Variants in CLTC observed in about 807,000 individuals in gnomAD.
CLTC encodes clathrin heavy chain.
Under a neutral mutation model 195.8 loss-of-function variants are expected in CLTC, and 16 were observed. That is an observed-to-expected ratio of 0.08 (90% CI 0.06 to 0.12). CLTC has a LOEUF of 0.12. Among genes scored for constraint, CLTC ranks in the 10% least tolerant of loss-of-function variants. The pLI, the probability that CLTC is intolerant of heterozygous loss-of-function variation, is 1.00. For missense variants in CLTC, 796 were observed against 2,027.0 expected (o/e 0.39, Z 11.66); for synonymous variants, 667 against 689.4 (o/e 0.97, Z 0.51).
rs528084895 is a variant in CLTC at position 59,678,251 on chromosome 17, C to G, written c.2796+1063C>G. Among the ~76,000 whole-genome samples, 4 of 152,280 alleles carry G rather than the reference C, an allele frequency of 2.6e-5. No individual in the cohort carries two copies. The South Asian group carries it at 8.3e-4, about 32-fold the overall frequency. On this transcript the variant is annotated intron_variant, in intron 17 of 31. Coordinates refer to ENST00000269122, the MANE Select transcript of CLTC (RefSeq NM_004859.4). ...ATTTGTCCCCTTTGTCAGTTTTTAT[C>G]AAGTTGTAACATGTCTTTATTACAT...
intron 1 of CLTC, among the ~76,000 whole-genome samples, chr17:59,635,936 G>A (rs1254866423): frequency 1.3e-5 from 2 of 152,130 alleles, no homozygotes; most frequent in Admixed American, 6.6e-5. Context: ...TCGGCCAGGC[G>A]TGGTGGCTCA....
At chr17:59,623,265 A>C (rs1468367672) in intron 1 of CLTC, among the ~76,000 whole-genome samples, 1 of 152,198 alleles carries the variant, frequency 6.6e-6, no homozygotes, top group Non-Finnish European at 1.5e-5. Flanking sequence ...CGGATTGTGA[A>C]TAGAAAGCAA....
At chr17:59,620,291 T>G in intron 1 of CLTC, 118 bp downstream of exon 1, 10 of 904,208 alleles carry the variant, frequency 1.1e-5, no homozygotes, top group South Asian at 1.3e-5. Context: ...TGTCGGTGAT[T>G]GGGGTAGGTG....
chr17:59,656,905 C>G (rs2032484851), intron 6 of CLTC, among the ~76,000 whole-genome samples: 1 of 151,984 alleles, frequency 6.6e-6, no homozygotes, highest in Non-Finnish European at 1.5e-5. Flanking sequence ...AACTCCTGAC[C>G]TTGTGATCCA....
chr17:59,694,979 T>C lies in CLTC; in HGVS notation c.*1127T>C, dbSNP rs2033388362. The C allele has an allele frequency of 4.6e-6, 1 of 216,562 alleles. No homozygotes were observed. The highest frequency in any genetic ancestry group is 2.3e-5 in the African/African-American group (1 of 44,436). The allele number at this position is 216,562 out of a possible 1,614,324, so 13.4% of individuals were successfully genotyped here. A position where few individuals can be genotyped will look rare whatever the true frequency, so the allele number is the denominator to read the frequency against. On this transcript the variant is annotated 3_prime_UTR_variant, in exon 32 of 32. Transcript: ENST00000269122. ...TAGTCTAAAGAACCAGAGTCACTAC[T>C]ATAGTGGCTTAACATTTAATCTGTC...
chr17:59,666,833 G>C lies in CLTC; in HGVS notation c.1984G>C (p.Asp662His). The C allele has an allele frequency of 6.2e-7, 1 of 1,613,550 alleles. No homozygotes were observed. The highest frequency in any genetic ancestry group is 1.1e-5 in the South Asian group (1 of 91,002). Residue 662 changes from aspartate to histidine, a missense_variant, in exon 13 of 32, where the codon GAC (aspartate) becomes CAC (histidine). Physicochemically the swap from Asp to His is moderately conservative, Grantham distance 81. Around this residue, in one of 9 missense-constraint regions of CLTC, gnomAD observed 293 missense variants for 795.6 expected, o/e 0.37. Transcript: ENST00000269122. This position sits in a 1 kb window ranked among gnomAD's most constrained non-coding sequence, Gnocchi z 4.9. Reference protein sequence around the residue: ...VNYFGSLSVEDSLECLRAMLS... With the variant: ...VNYFGSLSVEHSLECLRAMLS... ...CTACTTTGGTTCCTTATCAGTAGAAGACTCCCTAGAATGTCTCAGAGCCAT... is the reference window on the plus strand; with the variant it reads ...CTACTTTGGTTCCTTATCAGTAGAACACTCCCTAGAATGTCTCAGAGCCAT...
intron 1 of CLTC, among the ~76,000 whole-genome samples, chr17:59,628,599 C>T (rs941692795): frequency 2.0e-5 from 3 of 152,180 alleles, no homozygotes; most frequent in East Asian, 3.9e-4. Flanking sequence ...GTGATGCACA[C>T]TGGGGGTCTC....
intron 3 of CLTC, 81 bp downstream of exon 3, chr17:59,647,747 GTCTT>G: frequency 8.0e-7 from 1 of 1,248,404 alleles, no homozygotes; most frequent in Non-Finnish European, 1.1e-6. Context: ...TTGAAATTAG[GTCTT>G]TCTATACTCA....
chr17:59,650,483 C>CTTTTTTTTT (rs35425747), intron 4 of CLTC, among the ~76,000 whole-genome samples: 1 of 116,850 alleles, frequency 8.6e-6, no homozygotes, highest in Admixed American at 9.3e-5. Context: ...ATTCAGATGA[C>CTTTTTTTTT]TTTTTTTTTT....
chr17:59,657,461 C>G (rs571236427), intron 6 of CLTC, among the ~76,000 whole-genome samples: 1 of 152,038 alleles, frequency 6.6e-6, no homozygotes, highest in Non-Finnish European at 1.5e-5. Flanking sequence ...TTATGAGTGT[C>G]TTGCTTAGAA....
chr17:59,631,665 T>G (rs2031720511), intron 1 of CLTC, among the ~76,000 whole-genome samples: 1 of 152,108 alleles, frequency 6.6e-6, no homozygotes, highest in Admixed American at 6.5e-5. Flanking sequence ...AGTAACAAGA[T>G]TTTTTAAAAA....
At chr17:59,672,321 A>G (rs2032865675) in intron 14 of CLTC, among the ~76,000 whole-genome samples, 1 of 152,190 alleles carries the variant, frequency 6.6e-6, no homozygotes, top group South Asian at 2.1e-4. Flanking sequence ...AAGTGGAATT[A>G]TTTGCCACAG....
chr17:59,680,662 A>G (rs957418620), intron 18 of CLTC, among the ~76,000 whole-genome samples: 3 of 152,218 alleles, frequency 2.0e-5, no homozygotes, highest in Non-Finnish European at 2.9e-5. Context: ...TTAAAGTGAT[A>G]ATGATGATTG....
intron 14 of CLTC, among the ~76,000 whole-genome samples, chr17:59,672,436 T>C (rs2032868947): frequency 2.6e-5 from 2 of 75,564 alleles, no homozygotes; most frequent in African/African-American, 7.0e-5. Context: ...AGATGACTAG[T>C]GTGTTGATCC....
At position 59,682,961 on chromosome 17, in the gene CLTC, C is replaced by A. The variant is rs763201013; in HGVS notation, c.3820C>A (p.Leu1274Ile). ...ATTCCGTCTTGCTCAGATGTGTGGA[C>A]TTCATATTGTTGTACATGCAGATGA... Reference protein sequence around the residue: ...KEFRLAQMCGLHIVVHADELE... With the variant: ...KEFRLAQMCGIHIVVHADELE... Residue 1274 changes from leucine (L) to isoleucine (I), a missense_variant, in exon 24 of 32, where the codon CTT becomes ATT. Transcript: ENST00000269122. This position sits in a 1 kb window ranked among gnomAD's most constrained non-coding sequence, Gnocchi z 6.8. 5 of 1,614,132 alleles carry A rather than the reference C, an allele frequency of 3.1e-6. No individual in the cohort carries two copies. Among genetic ancestry groups the A allele is most frequent in the Non-Finnish European group, 4.2e-6 (5 of 1,179,996 alleles).
In CLTC at chr17:59,683,116, C is replaced by G; in HGVS notation, c.3895C>G (p.Leu1299Val). 2 of 1,614,082 alleles carry G rather than the reference C, an allele frequency of 1.2e-6. No individual in the cohort carries two copies. The highest frequency in any genetic ancestry group is 2.2e-5 in the South Asian group (2 of 91,076). ...TCAGGATCGTGGCTATTTTGAAGAG[C>G]TGATCACCATGTTGGAAGCAGCACT... ...YYQDRGYFEE[L>V]ITMLEAALGL... is the part of the protein sequence containing the mutation. Residue 1299 changes from leucine to valine, a missense_variant, in exon 25 of 32, where the codon CTG (leucine) becomes GTG (valine). Coordinates refer to ENST00000269122, the MANE Select transcript of CLTC (RefSeq NM_004859.4). This position sits in a 1 kb window ranked among gnomAD's most constrained non-coding sequence, Gnocchi z 6.1.
intron 1 of CLTC, among the ~76,000 whole-genome samples, chr17:59,632,608 A>G (rs2031756809): frequency 6.6e-6 from 1 of 152,256 alleles, no homozygotes; most frequent in East Asian, 1.9e-4. Flanking sequence ...GCGCCACTGC[A>G]TGCCAGCCTA....
At chr17:59,638,276 G>A (rs1304958433) in intron 1 of CLTC, among the ~76,000 whole-genome samples, 1 of 151,746 alleles carries the variant, frequency 6.6e-6, no homozygotes, top group East Asian at 1.9e-4. Flanking sequence ...CAGCTTGGGT[G>A]ACAGAGCAAG....
intron 17 of CLTC, 55 bp from the exon 18 acceptor site, chr17:59,679,342 C>T (rs946139297): frequency 7.0e-7 from 1 of 1,419,608 alleles, no homozygotes; most frequent in Non-Finnish European, 9.7e-7. Flanking sequence ...CTCTAAAATG[C>T]TATAAAAAGT....
Sources: allele counts gnomAD v4.1 joint callset (sites outside exome capture counted in the v4.1 genomes callset), GRCh38; gene constraint gnomAD v4.1.1; regional missense constraint gnomAD v4.1.1; non-coding constraint Gnocchi (gnomAD v3.1); transcripts MANE v1.5; gene names NCBI Gene and HGNC (gene_info 2026-07-23, HGNC 2026-07-21).